Variants in MGAT4C observed in about 807,000 individuals in gnomAD.
MGAT4C encodes the protein MGAT4 family member C.
MGAT4C carries 19 observed loss-of-function variants against 40.1 expected under a neutral mutation model. That is an observed-to-expected ratio of 0.47 (90% confidence interval 0.33 to 0.70). The LOEUF (loss-of-function observed/expected upper bound fraction) is 0.70. MGAT4C is among the 30% of genes least tolerant of loss of function. The pLI is 0.02. For synonymous variants in MGAT4C, 181 were observed against 187.1 expected (o/e 0.97, Z 0.27); for missense variants, 491 against 563.2 (o/e 0.87, Z 1.30).
intron 4 of MGAT4C, among the ~76,000 whole-genome samples, chr12:86,297,498 A>C (rs374704559): frequency 2.1e-4 from 32 of 152,238 alleles, no homozygotes; most frequent in African/African-American, 7.7e-4. Context: ...TTAAGGGAGA[A>C]AACTGTAAAA....
At chr12:86,687,749 C>T (rs546306225) in intron 2 of MGAT4C, among the ~76,000 whole-genome samples, 4 of 152,142 alleles carry the variant, frequency 2.6e-5, no homozygotes, top group East Asian at 3.9e-4. Context: ...TGTTTTACTT[C>T]GAATTATGTG....
chr12:86,262,299 C>T (rs1475598136), intron 4 of MGAT4C, among the ~76,000 whole-genome samples: 3 of 152,110 alleles, frequency 2.0e-5, no homozygotes, highest in Non-Finnish European at 2.9e-5. Flanking sequence ...CATGTCAAGC[C>T]ATTTGAATCT....
chr12:86,595,328 C>G (rs547684529), intron 2 of MGAT4C, among the ~76,000 whole-genome samples: 1 of 152,072 alleles, frequency 6.6e-6, no homozygotes, highest in Non-Finnish European at 1.5e-5. Context: ...GTCAGGAGTT[C>G]GAGACCAGCC....
At chr12:86,183,152 C>T (rs912350366) in intron 1 of MGAT4C, among the ~76,000 whole-genome samples, 5 of 152,152 alleles carry the variant, frequency 3.3e-5, no homozygotes, top group African/African-American at 1.2e-4. Flanking sequence ...TATGTTTTCA[C>T]ATATATTTTC....
At chr12:86,106,026 T>A (rs1876098389) in intron 1 of MGAT4C, among the ~76,000 whole-genome samples, 3 of 152,108 alleles carry the variant, frequency 2.0e-5, no homozygotes, top group South Asian at 4.1e-4. Context: ...CCGAAAAAAA[T>A]TTTAGTGCTA....
intron 3 of MGAT4C, among the ~76,000 whole-genome samples, chr12:86,386,620 T>C (rs193189334): frequency 1.8e-4 from 28 of 152,348 alleles, no homozygotes; most frequent in Admixed American, 1.2e-3. Flanking sequence ...TATTTCTGCC[T>C]ATTTCAATGC....
rs1592603571 is a variant in MGAT4C, at chr12:85,983,675, A to G, written c.148-5T>C. 5 of 1,555,024 alleles carry G rather than the reference A, an allele frequency of 3.2e-6. No homozygotes were observed. The East Asian group carries it at 1.2e-4, about 36-fold the overall frequency. ...TATAAGTTGTTTGTCTCCTTCCTAAATACCAAGAAAGAAGCAAGGAAAATA... is the reference window on the plus strand; with the variant it reads ...TATAAGTTGTTTGTCTCCTTCCTAAGTACCAAGAAAGAAGCAAGGAAAATA... On this transcript the variant is annotated splice_polypyrimidine_tract_variant and splice_region_variant and intron_variant, in intron 3 of 4. Coordinates refer to ENST00000611864, the MANE Select transcript of MGAT4C (RefSeq NM_001351288.2).
At chr12:86,794,954 T>C (rs1952087437) in intron 1 of MGAT4C, among the ~76,000 whole-genome samples, 1 of 151,944 alleles carries the variant, frequency 6.6e-6, no homozygotes, top group African/African-American at 2.4e-5. Context: ...TCTGTTTGAA[T>C]ACTTGTTTCA....
At chr12:85,985,334 T>G (rs1282832087) in intron 3 of MGAT4C, among the ~76,000 whole-genome samples, 1 of 152,200 alleles carries the variant, frequency 6.6e-6, no homozygotes, top group Admixed American at 6.5e-5. Context: ...TCAGATTTTC[T>G]AATCTATGGC....
At chr12:86,484,282 G>C (rs893548200) in intron 2 of MGAT4C, among the ~76,000 whole-genome samples, 7 of 152,186 alleles carry the variant, frequency 4.6e-5, no homozygotes, top group African/African-American at 1.4e-4. Flanking sequence ...GTCTTTCTCT[G>C]AAAAGCTTTA....
At chr12:86,736,536 C>G (rs1009205717) in intron 1 of MGAT4C, among the ~76,000 whole-genome samples, 1 of 151,784 alleles carries the variant, frequency 6.6e-6, no homozygotes, top group Non-Finnish European at 1.5e-5. Context: ...CAGTTCTCCA[C>G]ATACTATTCA....
chr12:86,224,064 G>A (rs190800774), intron 1 of MGAT4C, among the ~76,000 whole-genome samples: 66 of 152,216 alleles, frequency 4.3e-4, no homozygotes, highest in African/African-American at 1.5e-3. Flanking sequence ...TGGCCCGTGT[G>A]TACCTACTAA....
At chr12:86,345,963 G>A (rs932870894) in intron 3 of MGAT4C, among the ~76,000 whole-genome samples, 7 of 152,094 alleles carry the variant, frequency 4.6e-5, no homozygotes, top group Admixed American at 1.3e-4. Context: ...GTGTGAGATG[G>A]TATCTCATTG....
At position 86,475,323 on chromosome 12, in the gene MGAT4C, G is replaced by A. The variant is rs116325873; in HGVS notation, c.-228-40058C>T. Among the ~76,000 whole-genome samples the A allele has an allele frequency of 1.8e-3, 278 of 151,960 alleles. 2 individuals are homozygous for A. Among genetic ancestry groups the A allele is most frequent in the African/African-American group, 6.3e-3 (262 of 41,508 alleles). ...TAATTACCAAATAGAATTTGGTTGCGAAATGGTCACAAAGATAATTGCAGA... is the reference window on the plus strand; with the variant it reads ...TAATTACCAAATAGAATTTGGTTGCAAAATGGTCACAAAGATAATTGCAGA... On this transcript the variant is annotated intron_variant, in intron 2 of 7. Coordinates refer to the MGAT4C transcript ENST00000548651.
At chr12:86,475,186 C>G (rs1312961241) in intron 2 of MGAT4C, among the ~76,000 whole-genome samples, 1 of 151,918 alleles carries the variant, frequency 6.6e-6, no homozygotes, top group Non-Finnish European at 1.5e-5. Flanking sequence ...TTAGGTTCCT[C>G]AACTGCAAAA....
chr12:86,475,865 A>G (rs1957827508), intron 2 of MGAT4C, among the ~76,000 whole-genome samples: 1 of 152,200 alleles, frequency 6.6e-6, no homozygotes, highest in East Asian at 1.9e-4. Context: ...TATAATTGCC[A>G]TGAATTATTG....
intron 2 of MGAT4C, among the ~76,000 whole-genome samples, chr12:86,623,721 G>A (rs1383006092): frequency 6.6e-6 from 1 of 152,084 alleles, no homozygotes; most frequent in Non-Finnish European, 1.5e-5. Context: ...ATTGTTAAAA[G>A]CCAGCTATTT....
intron 2 of MGAT4C, among the ~76,000 whole-genome samples, chr12:86,462,594 G>A (rs1013199197): frequency 2.6e-5 from 4 of 152,166 alleles, no homozygotes; most frequent in African/African-American, 9.6e-5. Flanking sequence ...ATGTCTGCAA[G>A]TTGAGGAGCT....
chr12:86,538,608 C>CT (rs71078909), intron 2 of MGAT4C, among the ~76,000 whole-genome samples: 102,625 of 138,366 alleles, frequency 0.74, 39,356 homozygotes, highest in Non-Finnish European at 0.85. Context: ...TGTAATACTT[C>CT]TTTTTTTTTT....
Sources: allele counts gnomAD v4.1 joint callset (sites outside exome capture counted in the v4.1 genomes callset), GRCh38; gene constraint gnomAD v4.1.1; transcripts MANE v1.5; gene names NCBI Gene and HGNC (gene_info 2026-07-23, HGNC 2026-07-21).